CAMTA1: variants seen among roughly 807,000 people sequenced by gnomAD.
The protein encoded by CAMTA1 is calmodulin-binding transcription activator 1.
A neutral mutation model predicts 170.9 loss-of-function variants in CAMTA1; 27 were observed. That is an observed-to-expected ratio of 0.16 (90% CI 0.12 to 0.22). CAMTA1 has a LOEUF of 0.22. CAMTA1 is among the 10% of genes least tolerant of loss of function. The pLI is 1.00. For missense variants in CAMTA1, 1,619 were observed against 2,217.2 expected (o/e 0.73, Z 5.42); for synonymous variants, 833 against 891.5 (o/e 0.93, Z 1.17).
intron 3 of CAMTA1, among the ~76,000 whole-genome samples, chr1:6,990,338 G>A (rs1180939874): frequency 1.6e-4 from 24 of 152,086 alleles, no homozygotes; most frequent in Admixed American, 1.6e-3. Flanking sequence ...ACGTAAAGAA[G>A]AGTTGAATTA....
At chr1:7,667,324 G>A (rs1231940259) in intron 9 of CAMTA1, among the ~76,000 whole-genome samples, 3 of 152,192 alleles carry the variant, frequency 2.0e-5, no homozygotes, top group African/African-American at 7.2e-5. Context: ...AGAAAGCGAT[G>A]CAAAGGGACA....
intron 3 of CAMTA1, among the ~76,000 whole-genome samples, chr1:6,988,071 C>G (rs1695661190): frequency 6.6e-6 from 1 of 152,208 alleles, no homozygotes; most frequent in Non-Finnish European, 1.5e-5. Context: ...CTGGGACATG[C>G]TTGGAATCTA....
intron 3 of CAMTA1, among the ~76,000 whole-genome samples, chr1:7,035,149 T>C (rs12047536): frequency 0.34 from 52,197 of 151,926 alleles, 9,293 homozygotes; most frequent in African/African-American, 0.42. Context: ...TACCTGTAAT[T>C]CCAGCACTTT....
At chr1:7,209,907 C>T (rs1306252826) in intron 4 of CAMTA1, among the ~76,000 whole-genome samples, 2 of 152,138 alleles carry the variant, frequency 1.3e-5, no homozygotes, top group South Asian at 2.1e-4. Context: ...CGCAGATTCC[C>T]GATATTAACA....
chr1:6,837,225 G>A (rs1382234906), intron 3 of CAMTA1, among the ~76,000 whole-genome samples: 1 of 152,052 alleles, frequency 6.6e-6, no homozygotes, highest in Non-Finnish European at 1.5e-5. Flanking sequence ...CAAAGTGCTG[G>A]GATTACAGGC....
At chr1:7,357,949 CTT>C (rs1406936102) in intron 5 of CAMTA1, among the ~76,000 whole-genome samples, 3 of 152,110 alleles carry the variant, frequency 2.0e-5, no homozygotes, top group East Asian at 3.9e-4. Context: ...CTCAGGGACT[CTT>C]TGGATGGTGA....
At chr1:6,967,280 G>A (rs1691729719) in intron 3 of CAMTA1, among the ~76,000 whole-genome samples, 1 of 151,212 alleles carries the variant, frequency 6.6e-6, no homozygotes, top group Admixed American at 6.6e-5. Flanking sequence ...AAGCCCATTG[G>A]AACCCACCTG....
Position 7,186,348 on chromosome 1 carries a change from G to C in CAMTA1, c.303-63143G>C, listed in dbSNP as rs184579257. ...CTAGTATAATATCTTTCTTAGTAGT[G>C]TTAAGGATTAAATGAGATAATACCT... On this transcript the variant is annotated intron_variant, in intron 4 of 22. Transcript: ENST00000303635. Among the ~76,000 whole-genome samples the C allele has an allele frequency of 4.6e-5, 7 of 152,340 alleles. No homozygotes were observed. In the East Asian group the frequency reaches 1.4e-3, roughly 29 times the overall value.
intron 6 of CAMTA1, among the ~76,000 whole-genome samples, chr1:7,581,824 T>C (rs1270335780): frequency 1.3e-5 from 2 of 152,216 alleles, no homozygotes; most frequent in African/African-American, 2.4e-5. Flanking sequence ...TTTCTAACTC[T>C]GTACTGAGGG....
chr1:7,319,102 A>G (rs1265941374), intron 5 of CAMTA1, among the ~76,000 whole-genome samples: 2 of 152,214 alleles, frequency 1.3e-5, no homozygotes, highest in Non-Finnish European at 2.9e-5. Flanking sequence ...GGGGGAAGGC[A>G]GACACTGAAT....
At chr1:7,415,232 T>C (rs1293003316) in intron 5 of CAMTA1, among the ~76,000 whole-genome samples, 1 of 151,948 alleles carries the variant, frequency 6.6e-6, no homozygotes, top group Non-Finnish European at 1.5e-5. Flanking sequence ...AAATGTATAT[T>C]CTGTTGATTT....
At chr1:6,914,600 G>C (rs1680402227) in intron 3 of CAMTA1, among the ~76,000 whole-genome samples, 1 of 152,248 alleles carries the variant, frequency 6.6e-6, no homozygotes, top group Non-Finnish European at 1.5e-5. Flanking sequence ...TGGTTAGGCT[G>C]TGTGGGGTGC....
intron 5 of CAMTA1, among the ~76,000 whole-genome samples, chr1:7,398,724 C>T (rs2089647476): frequency 1.3e-5 from 2 of 151,944 alleles, no homozygotes; most frequent in African/African-American, 4.8e-5. Context: ...CTTTCTTTCT[C>T]TCTTATTGTT....
rs12073354 is a variant in CAMTA1 at position 7,505,010 on chromosome 1, C to T, written c.510+37109C>T. 1.7e-3 allele frequency among the ~76,000 whole-genome samples: 247 copies of T among 142,938 alleles called. 1 individual carries two copies. The highest frequency in any genetic ancestry group is 9.8e-3 in the East Asian group (37 of 3,772). 93.8% of individuals were successfully genotyped at this position (142,938 alleles called of 152,430 possible). A position where few individuals can be genotyped will look rare whatever the true frequency, so the allele number is the denominator to read the frequency against. On this transcript the variant is annotated intron_variant, in intron 6 of 22. Transcript: ENST00000303635. ...TCAGTGTAGCGCACAGCCTCCTTCACGGGCGGACATGGCACAAGCACACAG... is the reference window on the plus strand; with the variant it reads ...TCAGTGTAGCGCACAGCCTCCTTCATGGGCGGACATGGCACAAGCACACAG...
intron 3 of CAMTA1, among the ~76,000 whole-genome samples, chr1:6,947,598 G>A (rs1231680233): frequency 1.3e-5 from 2 of 151,378 alleles, no homozygotes; most frequent in African/African-American, 4.9e-5. Flanking sequence ...GGCCAGGCTG[G>A]TCTTGAACTC....
rs566218156 is a variant in CAMTA1 at position 7,274,975 on chromosome 1, C to T, written c.438+25349C>T. 1.8e-4 allele frequency among the ~76,000 whole-genome samples: 28 copies of T among 151,990 alleles called. No homozygotes were observed. The South Asian group carries it at 2.5e-3, about 14-fold the overall frequency. ...TGGCCAACATGGTGAAACCCCATCT[C>T]TACTAAGAATACAAAGATTAGCTGG... On this transcript the variant is annotated intron_variant, in intron 5 of 22. Coordinates refer to ENST00000303635, the MANE Select transcript of CAMTA1 (RefSeq NM_015215.4).
chr1:7,586,867 G>A (rs959271574), intron 6 of CAMTA1, among the ~76,000 whole-genome samples: 10 of 152,018 alleles, frequency 6.6e-5, no homozygotes, highest in Admixed American at 3.3e-4. Flanking sequence ...GCTGTGGGGC[G>A]GGCAGAGAAG....
At chr1:7,220,978 C>T (rs1294333639) in intron 4 of CAMTA1, among the ~76,000 whole-genome samples, 1 of 152,226 alleles carries the variant, frequency 6.6e-6, no homozygotes, top group Non-Finnish European at 1.5e-5. Context: ...ACCTGGTTGT[C>T]AGTCAGCTTC....
chr1:7,710,151 C>T (rs1032246915), intron 11 of CAMTA1, among the ~76,000 whole-genome samples: 2 of 152,206 alleles, frequency 1.3e-5, no homozygotes, highest in African/African-American at 4.8e-5. Context: ...GCTCAGTATA[C>T]CTTTCCTTGT....
Sources: allele counts gnomAD v4.1 joint callset (sites outside exome capture counted in the v4.1 genomes callset), GRCh38; gene constraint gnomAD v4.1.1; transcripts MANE v1.5; gene names NCBI Gene and HGNC (gene_info 2026-07-23, HGNC 2026-07-21).